Variants in COP1 observed in about 807,000 individuals in gnomAD.
COP1 encodes E3 ubiquitin-protein ligase COP1.
Under a neutral mutation model 101.3 loss-of-function variants are expected in COP1, and 24 were observed. The observed-to-expected ratio is 0.24, with a 90% CI of 0.17 to 0.33. The LOEUF is 0.33. COP1 is among the 10% of genes least tolerant of loss of function. COP1 has a pLI of 1.00. For missense variants in COP1, 663 were observed against 906.2 expected (o/e 0.73, Z 3.45); for synonymous variants, 347 against 341.9 (o/e 1.01, Z -0.17).
At chr1:175,960,620 A>C (rs1468573323) in intron 18 of COP1, among the ~76,000 whole-genome samples, 1 of 152,194 alleles carries the variant, frequency 6.6e-6, no homozygotes, top group Non-Finnish European at 1.5e-5. Context: ...TTTAGTAATA[A>C]TATGTTATTG....
At chr1:176,103,524 G>T (rs1427853717) in intron 9 of COP1, among the ~76,000 whole-genome samples, 1 of 152,160 alleles carries the variant, frequency 6.6e-6, no homozygotes, top group Non-Finnish European at 1.5e-5. Flanking sequence ...TGGAATATTT[G>T]CATTGTACTT....
intron 18 of COP1, among the ~76,000 whole-genome samples, chr1:175,986,296 G>C (rs913379061): frequency 8.5e-5 from 13 of 152,090 alleles, no homozygotes; most frequent in Admixed American, 8.5e-4. Context: ...TGGGATTACA[G>C]GTGTGAGCCA....
At chr1:176,055,696 C>T (rs1673354930) in intron 11 of COP1, among the ~76,000 whole-genome samples, 1 of 152,208 alleles carries the variant, frequency 6.6e-6, no homozygotes, top group Non-Finnish European at 1.5e-5. Context: ...TCTGAATCCC[C>T]TGCCAAACAT....
At chr1:176,061,740 T>C (rs1318010818) in intron 11 of COP1, among the ~76,000 whole-genome samples, 1 of 152,184 alleles carries the variant, frequency 6.6e-6, no homozygotes, top group Non-Finnish European at 1.5e-5. Flanking sequence ...GCTAAAGTTA[T>C]TACAATGATA....
intron 14 of COP1, among the ~76,000 whole-genome samples, chr1:176,029,950 T>G (rs576073632): frequency 5.2e-4 from 79 of 152,198 alleles, no homozygotes; most frequent in African/African-American, 1.7e-3. Flanking sequence ...ATCATTATTA[T>G]TAGTAGTAGT....
chr1:176,047,954 C>T (rs1244095988), intron 11 of COP1, among the ~76,000 whole-genome samples: 1 of 151,804 alleles, frequency 6.6e-6, no homozygotes, highest in Non-Finnish European at 1.5e-5. Flanking sequence ...GGGTTCTTGT[C>T]TCCAGAGACT....
rs537760468 is a variant in COP1, at chr1:176,127,370, T to A, written c.968+7640A>T. 1.2e-4 allele frequency among the ~76,000 whole-genome samples: 19 copies of A among 152,258 alleles called. No homozygotes were observed. The South Asian group carries it at 3.9e-3, about 32-fold the overall frequency. On this transcript the variant is annotated intron_variant, in intron 8 of 19. Transcript: ENST00000367669. ...CCCCTCTCCCCATCCACCTCTAATC[T>A]CTGTTAACCACCATACTATGCTCTA... is the stretch of plus-strand genomic sequence containing the variant.
chr1:175,984,599 G>A (rs557578738), intron 18 of COP1, among the ~76,000 whole-genome samples: 29 of 152,186 alleles, frequency 1.9e-4, no homozygotes, highest in African/African-American at 5.8e-4. Flanking sequence ...GCCACCATCC[G>A]CCAGACCCCA....
At chr1:175,953,733 G>C (rs147193166) in intron 18 of COP1, among the ~76,000 whole-genome samples, 1 of 149,926 alleles carries the variant, frequency 6.7e-6, no homozygotes, top group Non-Finnish European at 1.5e-5. Flanking sequence ...GATAAAGACA[G>C]GTATTTCATA....
At chr1:176,025,629 G>A (rs977765893) in intron 15 of COP1, among the ~76,000 whole-genome samples, 3 of 151,884 alleles carry the variant, frequency 2.0e-5, no homozygotes, top group Non-Finnish European at 2.9e-5. Context: ...TAGCCAGGGC[G>A]CAGTGATCCC....
intron 15 of COP1, among the ~76,000 whole-genome samples, chr1:176,011,905 C>A (rs1664738512): frequency 7.0e-6 from 1 of 142,814 alleles, no homozygotes; most frequent in African/African-American, 2.5e-5. Flanking sequence ...ATAGCACATA[C>A]AATTACATAC....
chr1:176,065,253 G>A (rs550489254), intron 11 of COP1, among the ~76,000 whole-genome samples: 8 of 152,294 alleles, frequency 5.3e-5, no homozygotes, highest in Non-Finnish European at 1.0e-4. Context: ...GTGAACAGTA[G>A]ATAGAGAAAT....
intron 1 of COP1, among the ~76,000 whole-genome samples, chr1:176,188,688 C>T (rs182041724): frequency 6.6e-5 from 10 of 152,150 alleles, no homozygotes; most frequent in Admixed American, 2.0e-4. Flanking sequence ...ATGTTACTAC[C>T]GTAACTGTTT....
At chr1:176,205,326 GATTA>G (rs1700716548) in intron 1 of COP1, among the ~76,000 whole-genome samples, 1 of 152,116 alleles carries the variant, frequency 6.6e-6, no homozygotes, top group Non-Finnish European at 1.5e-5. Flanking sequence ...ATGAAAAACA[GATTA>G]ATTCTGATAA....
At chr1:175,972,391 G>T (rs1296054651) in intron 18 of COP1, among the ~76,000 whole-genome samples, 3 of 151,430 alleles carry the variant, frequency 2.0e-5, no homozygotes, top group Non-Finnish European at 2.9e-5. Context: ...GAGGAGGAAA[G>T]AATTTACCGA....
intron 2 of COP1, among the ~76,000 whole-genome samples, chr1:176,178,305 C>T (rs1053283658): frequency 4.7e-5 from 7 of 150,416 alleles, no homozygotes; most frequent in Admixed American, 4.6e-4. Context: ...TTTAAATCAG[C>T]AGCCTGGGCA....
intron 2 of COP1, 78 bp downstream of exon 2, chr1:176,184,555 C>T (rs940653685): frequency 5.8e-6 from 7 of 1,210,774 alleles, no homozygotes; most frequent in South Asian, 1.4e-5. Context: ...GTTTAAAACA[C>T]GTAACTTCTC....
chr1:176,162,849 T>C lies in COP1; in HGVS notation c.762+20A>G. 3 of 1,560,022 alleles carry C rather than the reference T, an allele frequency of 1.9e-6. No individual in the cohort carries two copies. The highest frequency in any genetic ancestry group is 2.6e-6 in the Non-Finnish European group (3 of 1,157,866). ...AAAGTTCATCATTTAAAATTTTTTT[T>C]AAGTTTAGCTACCACTTACTGCTTC... On this transcript the variant is annotated intron_variant, in intron 5 of 19. Transcript: ENST00000367669.
At chr1:176,048,505 G>A (rs986549450) in intron 11 of COP1, among the ~76,000 whole-genome samples, 1 of 152,094 alleles carries the variant, frequency 6.6e-6, no homozygotes, top group African/African-American at 2.4e-5. Flanking sequence ...GGATTTTAAT[G>A]CACCATAACT....
Sources: gnomAD v4.1 joint callset for allele counts (sites outside exome capture counted in the v4.1 genomes callset) on GRCh38, gnomAD v4.1.1 for gene constraint, MANE v1.5 for transcripts, NCBI Gene and HGNC (gene_info 2026-07-23, HGNC 2026-07-21) for gene names.